Variants in CCDC170 observed in about 807,000 individuals in gnomAD.
The protein encoded by CCDC170 is coiled-coil domain containing 170.
CCDC170 carries 69 observed loss-of-function variants against 72.6 expected under a neutral mutation model. The ratio of observed to expected loss-of-function variants is 0.95; its 90% CI spans 0.78 to 1.16. The LOEUF (loss-of-function observed/expected upper bound fraction) is 1.16. Ranked by LOEUF, CCDC170 falls within the 50% of genes most tolerant of loss-of-function variation. The pLI is 0.00. For missense variants in CCDC170, 852 were observed against 832.5 expected, an observed-to-expected ratio of 1.02 and a Z score of -0.29; for synonymous variants, 300 against 303.9, an observed-to-expected ratio of 0.99 and a Z score of 0.13.
chr6:151,584,312 T>C lies in CCDC170; in HGVS notation c.1093-1577T>C, dbSNP rs76235361. On this transcript the variant is annotated intron_variant, in intron 6 of 10. Coordinates refer to ENST00000239374, the MANE Select transcript of CCDC170 (RefSeq NM_025059.4). ...GTAAAGTTTTCCCTTTCTTCTTTAT[T>C]TTGATTATTTATTATTTTTAATTTT... Among the ~76,000 whole-genome samples the C allele has an allele frequency of 7.3e-3, 1,119 of 152,304 alleles. 11 individuals are homozygous for C. The highest frequency in any genetic ancestry group is 0.025 in the African/African-American group (1,054 of 41,568).
intron 6 of CCDC170, among the ~76,000 whole-genome samples, chr6:151,577,304 C>T (rs1776316700): frequency 6.6e-6 from 1 of 152,030 alleles, no homozygotes; most frequent in Non-Finnish European, 1.5e-5. Flanking sequence ...TAATGTCCGC[C>T]GGGGGTCAAA....
intron 6 of CCDC170, among the ~76,000 whole-genome samples, chr6:151,578,149 G>T (rs951186490): frequency 3.9e-5 from 6 of 152,118 alleles, no homozygotes; most frequent in African/African-American, 1.4e-4. Flanking sequence ...CGGTTGCTCC[G>T]GGCTACAGAG....
intron 3 of CCDC170, 84 bp from the exon 4 acceptor site, chr6:151,544,488 C>A (rs1369517471): frequency 1.6e-6 from 2 of 1,279,732 alleles, no homozygotes; most frequent in Admixed American, 2.2e-5. Flanking sequence ...TTATTTCCCC[C>A]ATAGAGCTTA....
chr6:151,615,273 G>A (rs1776939845), intron 9 of CCDC170, among the ~76,000 whole-genome samples, 170 bp from the exon 10 acceptor site: 1 of 152,190 alleles, frequency 6.6e-6, no homozygotes, highest in South Asian at 2.1e-4. Context: ...CTTAAGACAT[G>A]TTTGTCCAGC....
At chr6:151,566,415 A>G (rs534603979) in intron 5 of CCDC170, among the ~76,000 whole-genome samples, 88 of 152,316 alleles carry the variant, frequency 5.8e-4, no homozygotes, top group Middle Eastern at 3.4e-3. Context: ...TTGGGGAAGA[A>G]TACTTTTTTC....
chr6:151,600,967 A>G (rs1159939492), intron 9 of CCDC170, among the ~76,000 whole-genome samples: 1 of 152,172 alleles, frequency 6.6e-6, no homozygotes, highest in Non-Finnish European at 1.5e-5. Flanking sequence ...CATTCTGTAA[A>G]TTGTATATAA....
intron 2 of CCDC170, 87 bp from the exon 3 acceptor site, chr6:151,537,958 T>C: frequency 1.5e-6 from 2 of 1,325,202 alleles, no homozygotes; most frequent in Non-Finnish European, 2.1e-6. Flanking sequence ...AGAGTGAACA[T>C]TTAAATGATG....
intron 5 of CCDC170, among the ~76,000 whole-genome samples, chr6:151,550,196 A>G (rs1782856936): frequency 6.6e-6 from 1 of 152,216 alleles, no homozygotes; most frequent in Non-Finnish European, 1.5e-5. Context: ...TCCATTTCCA[A>G]AAGCAAAAAC....
intron 1 of CCDC170, among the ~76,000 whole-genome samples, chr6:151,500,979 C>T (rs1190846817): frequency 6.6e-6 from 1 of 152,034 alleles, no homozygotes; most frequent in Non-Finnish European, 1.5e-5. Context: ...TGGGATGTGG[C>T]TGTAAAAATT....
chr6:151,517,934 A>G (rs1259679593), intron 1 of CCDC170, among the ~76,000 whole-genome samples: 2 of 125,716 alleles, frequency 1.6e-5, no homozygotes, highest in African/African-American at 6.0e-5. Context: ...TTTTTTTTTC[A>G]TTCTTTCTTG....
chr6:151,583,337 TC>T (rs1283953081), intron 6 of CCDC170, among the ~76,000 whole-genome samples: 1 of 151,984 alleles, frequency 6.6e-6, no homozygotes, highest in East Asian at 1.9e-4. Context: ...TCCTTTCTAT[TC>T]CCAGCTTGGC....
At chr6:151,608,212 T>A (rs531722414) in intron 9 of CCDC170, among the ~76,000 whole-genome samples, 2 of 152,354 alleles carry the variant, frequency 1.3e-5, no homozygotes, top group East Asian at 3.8e-4. Flanking sequence ...GACTTTCTTA[T>A]TCAGATCATG....
intron 5 of CCDC170, among the ~76,000 whole-genome samples, chr6:151,549,048 C>T (rs1232037662): frequency 2.0e-5 from 3 of 152,008 alleles, no homozygotes; most frequent in East Asian, 1.9e-4. Context: ...TACAGGGGCC[C>T]ACCACCACAC....
intron 5 of CCDC170, among the ~76,000 whole-genome samples, chr6:151,570,398 C>T (rs1245122663): frequency 6.6e-6 from 1 of 151,926 alleles, no homozygotes; most frequent in East Asian, 1.9e-4. Flanking sequence ...ATTCAACCAA[C>T]TATAGATAAA....
intron 1 of CCDC170, among the ~76,000 whole-genome samples, chr6:151,534,427 A>C (rs1702331097): frequency 6.6e-6 from 1 of 152,154 alleles, no homozygotes; most frequent in African/African-American, 2.4e-5. Context: ...AGCCATTGGG[A>C]AACTTATTTT....
intron 1 of CCDC170, among the ~76,000 whole-genome samples, chr6:151,516,001 G>A (rs1208263432): frequency 6.6e-6 from 1 of 151,962 alleles, no homozygotes; most frequent in Non-Finnish European, 1.5e-5. Flanking sequence ...TGGAGGCAGA[G>A]GTTGCAGTGA....
chr6:151,595,192 T>C (rs1234395985), intron 8 of CCDC170, among the ~76,000 whole-genome samples: 1 of 152,132 alleles, frequency 6.6e-6, no homozygotes, highest in African/African-American at 2.4e-5. Context: ...CTGATTCTGA[T>C]GTTTATAGCA....
At chr6:151,525,816 T>C (rs1562271294) in intron 1 of CCDC170, among the ~76,000 whole-genome samples, 1 of 152,220 alleles carries the variant, frequency 6.6e-6, no homozygotes, top group African/African-American at 2.4e-5. Flanking sequence ...AACATGAACA[T>C]GCATATAAAA....
chr6:151,615,957 T>G lies in CCDC170; in HGVS notation c.1947+278T>G, dbSNP rs1312403062. 6 of 299,600 alleles carry G rather than the reference T, an allele frequency of 2.0e-5. No individual in the cohort carries two copies. In the East Asian group the frequency reaches 2.6e-4, roughly 13 times the overall value. The allele number at this position is 299,600 out of a possible 1,614,324, so 18.6% of individuals were successfully genotyped here. A position where few individuals can be genotyped will look rare whatever the true frequency, so the allele number is the denominator to read the frequency against. On this transcript the variant is annotated intron_variant, in intron 10 of 10. Coordinates refer to ENST00000239374, the MANE Select transcript of CCDC170 (RefSeq NM_025059.4). ...CATATCCACCTGCCCCTCCAGCATC[T>G]TTTTGGCATTCAAGTAACCACTATG...
Sources: allele counts gnomAD v4.1 joint callset (sites outside exome capture counted in the v4.1 genomes callset), GRCh38; gene constraint gnomAD v4.1.1; transcripts MANE v1.5; gene names NCBI Gene and HGNC (gene_info 2026-07-23, HGNC 2026-07-21).